CCDC141: variants seen among roughly 807,000 people sequenced by gnomAD.
CCDC141 encodes the protein coiled-coil domain containing 141.
Under a neutral mutation model 181.0 loss-of-function variants are expected in CCDC141, and 168 were observed. The ratio of observed to expected loss-of-function variants is 0.93; its 90% confidence interval spans 0.82 to 1.05. The LOEUF (loss-of-function observed/expected upper bound fraction) is 1.05. CCDC141 is among the 50% of genes least tolerant of loss of function. The pLI, the probability that CCDC141 is intolerant of heterozygous loss-of-function variation, is 0.00. For missense variants in CCDC141, 1,902 were observed against 1,788.5 expected, an observed-to-expected ratio of 1.06 and a Z score of -1.14; for synonymous variants, 666 against 642.3, an observed-to-expected ratio of 1.04 and a Z score of -0.56.
rs199718873 is a variant in CCDC141, at chr2:178,884,993, G to C, written c.1627C>G (p.Leu543Val). The C allele has an allele frequency of 6.9e-4, 1,064 of 1,550,324 alleles. 2 individuals are homozygous for C. Among genetic ancestry groups the C allele is most frequent in the Non-Finnish European group, 8.2e-4 (945 of 1,146,774 alleles). The stretch of plus-strand genomic sequence containing the variant: ...CCAAATAGGTTTAATTCTTCTGCTA[G>C]CCATCTAGCTTTAGAGGAAAGTGAT... The part of the protein sequence containing the change: ...MVSLSSKARW[L>V]AEELNLFGQS... The change falls in exon 11 of 24, where the codon CTA (leucine) becomes GTA (valine). Residue 543 changes from leucine to valine, a missense_variant. Coordinates refer to ENST00000443758, the MANE Select transcript of CCDC141 (RefSeq NM_173648.4).
intron 14 of CCDC141, among the ~76,000 whole-genome samples, chr2:178,870,628 G>C (rs1013363772): frequency 4.6e-5 from 7 of 152,084 alleles, no homozygotes; most frequent in African/African-American, 1.7e-4. Flanking sequence ...TAGCAGGTGC[G>C]GTGGTTATAC....
intron 2 of CCDC141, among the ~76,000 whole-genome samples, chr2:179,015,459 A>G (rs2042465523): frequency 8.5e-6 from 1 of 117,758 alleles, no homozygotes; most frequent in Non-Finnish European, 1.9e-5. Context: ...TATGTACCAT[A>G]TATATCTCAT....
intron 2 of CCDC141, among the ~76,000 whole-genome samples, chr2:179,034,091 C>G (rs2043072709): frequency 6.6e-6 from 1 of 152,124 alleles, no homozygotes; most frequent in South Asian, 2.1e-4. Context: ...ATGGAATCAA[C>G]CTAAATGCCC....
At chr2:179,003,031 G>A (rs535604795) in intron 2 of CCDC141, among the ~76,000 whole-genome samples, 123 of 152,196 alleles carry the variant, frequency 8.1e-4, no homozygotes, top group African/African-American at 2.1e-3. Context: ...GAGTCAATCC[G>A]GAAAATGGGA....
At chr2:178,927,468 G>C (rs1368847266) in intron 6 of CCDC141, among the ~76,000 whole-genome samples, 2 of 152,042 alleles carry the variant, frequency 1.3e-5, no homozygotes, top group African/African-American at 2.4e-5. Context: ...CCTGGGGAGA[G>C]AGCAAGGATG....
chr2:178,965,642 T>C (rs1242218784), intron 4 of CCDC141, among the ~76,000 whole-genome samples: 1 of 152,214 alleles, frequency 6.6e-6, no homozygotes, highest in Admixed American at 6.5e-5. Context: ...TTCCCTCCAG[T>C]GCCCACCCCA....
At chr2:178,851,983 C>A (rs80196587) in intron 20 of CCDC141, among the ~76,000 whole-genome samples, 10,711 of 152,276 alleles carry the variant, frequency 0.07, 554 homozygotes, top group Admixed American at 0.16. Flanking sequence ...AGCTTCCCTA[C>A]CAAACAGACG....
chr2:178,870,980 C>T (rs1005286084), intron 14 of CCDC141, among the ~76,000 whole-genome samples: 1 of 151,950 alleles, frequency 6.6e-6, no homozygotes, highest in Non-Finnish European at 1.5e-5. Context: ...GGTGATGGTA[C>T]GTGCCTGGGG....
At position 178,837,136 on chromosome 2, in the gene CCDC141, C is replaced by T. The variant is rs546808445; in HGVS notation, c.4083G>A (p.Arg1361=). The T allele has an allele frequency of 1.9e-6, 3 of 1,613,946 alleles. No individual in the cohort carries two copies. The highest frequency in any genetic ancestry group is 2.7e-5 in the African/African-American group (2 of 75,038). ...AGAATGCATCAGAGGAAGCATGCAG[C>T]CTATCTTGGGTTTTAGTGAAGTTAT... ...ADNNFTKTQD[R]LHASSDAFSG... Residue 1361 remains arginine, a synonymous_variant, in exon 23 of 24, where the codon AGG becomes AGA. Coordinates refer to ENST00000443758, the MANE Select transcript of CCDC141 (RefSeq NM_173648.4).
intron 21 of CCDC141, among the ~76,000 whole-genome samples, chr2:178,847,342 C>A (rs1041086456): frequency 6.6e-6 from 1 of 152,196 alleles, no homozygotes; most frequent in African/African-American, 2.4e-5. Flanking sequence ...CCAGCTTGGG[C>A]AACATAGTGA....
chr2:179,023,487 A>C (rs575764285), intron 2 of CCDC141, among the ~76,000 whole-genome samples: 1 of 152,364 alleles, frequency 6.6e-6, no homozygotes, highest in East Asian at 1.9e-4. Context: ...AATACATTTA[A>C]AACATTTAAA....
intron 15 of CCDC141, 57 bp from the exon 16 acceptor site, chr2:178,868,262 T>C (rs1337522740): frequency 5.4e-6 from 8 of 1,478,222 alleles, no homozygotes; most frequent in Admixed American, 1.8e-5. Flanking sequence ...AAATTTTTTT[T>C]TAAGCCTAAT....
intron 14 of CCDC141, among the ~76,000 whole-genome samples, 173 bp from the exon 15 acceptor site, chr2:178,869,478 G>A (rs1281824285): frequency 6.6e-6 from 1 of 151,942 alleles, no homozygotes; most frequent in Non-Finnish European, 1.5e-5. Flanking sequence ...ATAGAGATAT[G>A]TTTTTCTATA....
intron 2 of CCDC141, among the ~76,000 whole-genome samples, chr2:178,979,282 T>C (rs528350066): frequency 3.0e-4 from 46 of 152,324 alleles, no homozygotes; most frequent in African/African-American, 1.1e-3. Flanking sequence ...ATAAGATCCA[T>C]ATAATTCTTG....
At chr2:178,948,959 C>T (rs186761379) in intron 5 of CCDC141, among the ~76,000 whole-genome samples, 2 of 152,284 alleles carry the variant, frequency 1.3e-5, no homozygotes, top group Admixed American at 1.3e-4. Flanking sequence ...TGGACTAAGA[C>T]ATTGGCTACA....
Position 178,865,878 on chromosome 2 carries a change from C to T in CCDC141, c.2613G>A (p.Gln871=), listed in dbSNP as rs1685829172. Residue 871 remains glutamine, a synonymous_variant, in exon 17 of 24, where the codon CAG becomes CAA. Transcript: ENST00000443758. ...SNVSAKNLQQ[Q]LELLEEDSMK... Reference sequence around the variant, plus strand: ...TGCTGTCCTCCTCAAGGAGCTCCAGCTGCTGCTGTAGGTTCTTTGCAGAAA... The same window carrying T: ...TGCTGTCCTCCTCAAGGAGCTCCAGTTGCTGCTGTAGGTTCTTTGCAGAAA... 1 of 1,601,886 alleles carries T rather than the reference C, an allele frequency of 6.2e-7. No individual in the cohort carries two copies. Among genetic ancestry groups the T allele is most frequent in the African/African-American group, 1.3e-5 (1 of 74,484 alleles).
At chr2:178,881,915 T>TCTCTCTCTCACACA (rs1465946696) in intron 11 of CCDC141, among the ~76,000 whole-genome samples, 3 of 92,286 alleles carry the variant, frequency 3.3e-5, no homozygotes, top group African/African-American at 1.2e-4. Flanking sequence ...TCTCTCTCTC[T>TCTCTCTCTCACACA]CACACACACA....
In CCDC141 at chr2:178,830,359, C is replaced by G. The variant is rs1684203282; in HGVS notation, c.*3814G>C. 1 of 152,128 alleles carries G rather than the reference C, an allele frequency of 6.6e-6. No individual in the cohort carries two copies. The highest frequency in any genetic ancestry group is 6.5e-5 in the Admixed American group (1 of 15,270). 9.4% of individuals were successfully genotyped at this position (152,128 alleles called of 1,614,324 possible). On this transcript the variant is annotated 3_prime_UTR_variant, in exon 24 of 24. Coordinates refer to ENST00000443758, the MANE Select transcript of CCDC141 (RefSeq NM_173648.4). ...CCAGAGGGTCTGGAGGGTTCTCACA[C>G]AAGTTTTGCAGATGAGGTGAGAGAT...
chr2:178,997,269 G>T (rs368889615), intron 2 of CCDC141, among the ~76,000 whole-genome samples: 4 of 152,122 alleles, frequency 2.6e-5, no homozygotes, highest in Non-Finnish European at 2.9e-5. Flanking sequence ...CATCCTGTGG[G>T]CCAGGCCTTC....
Sources: allele counts gnomAD v4.1 joint callset (sites outside exome capture counted in the v4.1 genomes callset), GRCh38; gene constraint gnomAD v4.1.1; transcripts MANE v1.5; gene names NCBI Gene and HGNC (gene_info 2026-07-23, HGNC 2026-07-21).